Variants in RUNX2 observed in about 807,000 individuals in gnomAD.
RUNX2 encodes the protein runt-related transcription factor 2.
Under a neutral mutation model 51.7 loss-of-function variants are expected in RUNX2, and 10 were observed. That is an observed-to-expected ratio of 0.19 (90% CI 0.12 to 0.33). The LOEUF is 0.33. Among genes scored for constraint, RUNX2 ranks in the 10% least tolerant of loss-of-function variants. The probability of loss-of-function intolerance (pLI) is 1.00; values close to 1 mark genes in which losing one functional copy is unlikely to be tolerated. For synonymous variants in RUNX2, 276 were observed against 273.6 expected, an observed-to-expected ratio of 1.01 and a Z score of -0.09; for missense variants, 562 against 691.3, an observed-to-expected ratio of 0.81 and a Z score of 2.10.
intron 2 of RUNX2, among the ~76,000 whole-genome samples, chr6:45,362,641 C>T (rs1794461168): frequency 6.6e-6 from 1 of 152,238 alleles, no homozygotes; most frequent in South Asian, 2.1e-4. Flanking sequence ...AAAAAAATAA[C>T]TTCAGACTAT....
At chr6:45,381,046 T>G (rs907818355) in intron 2 of RUNX2, among the ~76,000 whole-genome samples, 2 of 152,248 alleles carry the variant, frequency 1.3e-5, no homozygotes, top group African/African-American at 4.8e-5. Flanking sequence ...TTTTAATGCT[T>G]AAGTTGTCAC....
intron 5 of RUNX2, among the ~76,000 whole-genome samples, chr6:45,440,298 A>G (rs1173776283): frequency 1.3e-5 from 2 of 152,180 alleles, no homozygotes; most frequent in African/African-American, 4.8e-5. Context: ...GAATATTTGT[A>G]GCATAGCCCT....
intron 2 of RUNX2, chr6:45,422,343 C>G (rs1417241852): frequency 2.0e-6 from 1 of 491,148 alleles, no homozygotes; most frequent in Non-Finnish European, 3.6e-6. Flanking sequence ...AAGATCTGCG[C>G]CTCCCGGGTC....
chr6:45,459,527 C>G (rs1355192175), intron 5 of RUNX2, among the ~76,000 whole-genome samples: 1 of 152,168 alleles, frequency 6.6e-6, no homozygotes, highest in Non-Finnish European at 1.5e-5. Flanking sequence ...AATTAATAAA[C>G]AATTAGATGG....
At chr6:45,348,395 G>A (rs562801919) in intron 2 of RUNX2, among the ~76,000 whole-genome samples, 4 of 151,362 alleles carry the variant, frequency 2.6e-5, no homozygotes, top group South Asian at 2.1e-4. Flanking sequence ...AGCCAGGCAC[G>A]GTGGCTCACG....
At chr6:45,494,075 A>G (rs1221261301) in intron 6 of RUNX2, among the ~76,000 whole-genome samples, 1 of 152,052 alleles carries the variant, frequency 6.6e-6, no homozygotes, top group Non-Finnish European at 1.5e-5. Flanking sequence ...TAGAACCTAA[A>G]GGTACCTTAG....
At position 45,434,224 on chromosome 6, in the gene RUNX2, A is replaced by C. The variant is rs1003034596; in HGVS notation, c.580+2205A>C. Among the ~76,000 whole-genome samples, 13 of 152,334 alleles carry C rather than the reference A, an allele frequency of 8.5e-5. No individual in the cohort carries two copies. In the East Asian group the frequency reaches 2.5e-3, roughly 29 times the overall value. On this transcript the variant is annotated intron_variant, in intron 4 of 8. Coordinates refer to ENST00000647337, the MANE Select transcript of RUNX2 (RefSeq NM_001024630.4). ...TGAAAAAAAAATGGGTCAGTTTTTC[A>C]GTGGCAGGAAACCCTTTAACCTGCC...
At chr6:45,450,350 C>T (rs1799130036) in intron 5 of RUNX2, among the ~76,000 whole-genome samples, 1 of 152,020 alleles carries the variant, frequency 6.6e-6, no homozygotes, top group Non-Finnish European at 1.5e-5. Context: ...TTTTTGGTGA[C>T]AATTAGAGAT....
At chr6:45,501,907 C>T (rs1337991198) in intron 6 of RUNX2, among the ~76,000 whole-genome samples, 1 of 152,128 alleles carries the variant, frequency 6.6e-6, no homozygotes, top group Non-Finnish European at 1.5e-5. Context: ...TTACCAATAG[C>T]AATGCTGTTT....
chr6:45,413,365 G>C (rs1797993819), intron 2 of RUNX2, among the ~76,000 whole-genome samples: 1 of 150,580 alleles, frequency 6.6e-6, no homozygotes. Context: ...CATAGTGAAG[G>C]TCAAAATTCT....
At chr6:45,478,001 C>T (rs533248129) in intron 5 of RUNX2, among the ~76,000 whole-genome samples, 2 of 152,254 alleles carry the variant, frequency 1.3e-5, no homozygotes, top group South Asian at 4.2e-4. Context: ...ACTTTCTCAT[C>T]TCGGTGTCTT....
chr6:45,510,935 A>C (rs1031508975), intron 6 of RUNX2, among the ~76,000 whole-genome samples: 1 of 152,168 alleles, frequency 6.6e-6, no homozygotes, highest in East Asian at 1.9e-4. Context: ...CCAAGGTTAC[A>C]CAGAAAGAAG....
chr6:45,488,654 A>T (rs1800356950), intron 5 of RUNX2, among the ~76,000 whole-genome samples: 1 of 152,172 alleles, frequency 6.6e-6, no homozygotes, highest in Admixed American at 6.5e-5. Context: ...GGGCCTGGAC[A>T]TCCATGTTTC....
intron 5 of RUNX2, among the ~76,000 whole-genome samples, chr6:45,471,483 C>T (rs375507300): frequency 1.4e-5 from 2 of 146,924 alleles, no homozygotes; most frequent in Admixed American, 1.4e-4. Context: ...CTCGCTGTGT[C>T]GCCCAGGCTG....
rs1440025461 is a variant in RUNX2, at chr6:45,550,018, C to A, written c.*2713C>A. On this transcript the variant is annotated 3_prime_UTR_variant, in exon 9 of 9. Coordinates refer to ENST00000647337, the MANE Select transcript of RUNX2 (RefSeq NM_001024630.4). ...TCTTTCTTTCTTTTTTTTTTTTTTT[C>A]ACTGAACCCTTAATTTGCACTGGGT... 5 of 120,720 alleles carry A rather than the reference C, an allele frequency of 4.1e-5. No homozygotes were observed. The highest frequency in any genetic ancestry group is 8.7e-5 in the Non-Finnish European group (5 of 57,782). The allele number at this position is 120,720 out of a possible 1,614,324, so 7.5% of individuals were successfully genotyped here.
chr6:45,417,105 C>T (rs1483515947), intron 2 of RUNX2, among the ~76,000 whole-genome samples: 1 of 152,160 alleles, frequency 6.6e-6, no homozygotes, highest in Non-Finnish European at 1.5e-5. Context: ...GCTTTGGGAT[C>T]ACTTAAGTTA....
chr6:45,382,831 A>G (rs1797270957), intron 2 of RUNX2, among the ~76,000 whole-genome samples: 1 of 152,186 alleles, frequency 6.6e-6, no homozygotes, highest in Non-Finnish European at 1.5e-5. Context: ...CAGGCAAAAG[A>G]TGATGGTAGC....
In RUNX2 at chr6:45,549,231, T is replaced by C. The variant is rs1412002349; in HGVS notation, c.*1926T>C. 5 of 398,382 alleles carry C rather than the reference T, an allele frequency of 1.3e-5. No homozygotes were observed. The highest frequency in any genetic ancestry group is 4.1e-5 in the African/African-American group (2 of 48,578). 24.7% of individuals were successfully genotyped at this position (398,382 alleles called of 1,614,324 possible). ...TCCCCGAAAAGTCAGGGTCCCTTCA[T>C]TGGAATCCTCCACCCACCCAAGCAG... On this transcript the variant is annotated 3_prime_UTR_variant, in exon 9 of 9. Coordinates refer to ENST00000647337, the MANE Select transcript of RUNX2 (RefSeq NM_001024630.4).
At chr6:45,417,636 C>A (rs1354720244) in intron 2 of RUNX2, among the ~76,000 whole-genome samples, 1 of 152,124 alleles carries the variant, frequency 6.6e-6, no homozygotes, top group Non-Finnish European at 1.5e-5. Flanking sequence ...CAAGGGTTGG[C>A]AAACTTTTCT....
Sources: allele counts gnomAD v4.1 joint callset (sites outside exome capture counted in the v4.1 genomes callset), GRCh38; gene constraint gnomAD v4.1.1; transcripts MANE v1.5; gene names NCBI Gene and HGNC (gene_info 2026-07-23, HGNC 2026-07-21).